Variants in STPG2 observed in about 807,000 individuals in gnomAD.
STPG2 encodes sperm-tail PG-rich repeat-containing protein 2.
STPG2 carries 56 observed loss-of-function variants against 54.2 expected under a neutral mutation model. The ratio of observed to expected loss-of-function variants is 1.03; its 90% confidence interval spans 0.83 to 1.29. The LOEUF (loss-of-function observed/expected upper bound fraction) is 1.29, where lower values mean the gene tolerates loss of function less well. Ranked by LOEUF, STPG2 falls within the 50% of genes most tolerant of loss-of-function variation. STPG2 has a pLI of 0.00. For synonymous variants in STPG2, 200 were observed against 181.8 expected, an observed-to-expected ratio of 1.10 and a Z score of -0.81; for missense variants, 596 against 544.9, an observed-to-expected ratio of 1.09 and a Z score of -0.93.
intron 3 of STPG2, among the ~76,000 whole-genome samples, chr4:98,117,162 A>T (rs977921163): frequency 6.6e-5 from 10 of 151,958 alleles, no homozygotes; most frequent in Non-Finnish European, 1.3e-4. Context: ...ATTTATCTGA[A>T]AATGTCTTAA....
At chr4:97,695,447 G>A (rs185271889) in intron 10 of STPG2, among the ~76,000 whole-genome samples, 13 of 152,214 alleles carry the variant, frequency 8.5e-5, no homozygotes, top group East Asian at 5.8e-4. Context: ...ACAAGGATGC[G>A]CACTTTCACC....
downstream of STPG2, among the ~76,000 whole-genome samples, chr4:97,557,271 A>C (rs1413836490): frequency 1.3e-5 from 2 of 152,216 alleles, no homozygotes; most frequent in Admixed American, 1.3e-4. Flanking sequence ...TCATTTAGAA[A>C]ATTAAAGTTA....
chr4:97,499,221 G>A (rs1730674982), intron 4 of STPG2, among the ~76,000 whole-genome samples: 1 of 151,934 alleles, frequency 6.6e-6, no homozygotes, highest in Non-Finnish European at 1.5e-5. Flanking sequence ...GGGATTGTCA[G>A]ACTTTTAGAT....
intron 4 of STPG2, among the ~76,000 whole-genome samples, chr4:97,474,574 T>TATACCATGGTATATATGTCCC (rs1410918287): frequency 3.3e-5 from 5 of 152,188 alleles, no homozygotes; most frequent in Non-Finnish European, 7.3e-5. Context: ...CCTTGGTATA[T>TATACCATGGTATATATGTCCC]ATCAGGGACA....
At chr4:97,848,456 GTGAAAAA>G (rs1729036726) in intron 8 of STPG2, among the ~76,000 whole-genome samples, 1 of 151,986 alleles carries the variant, frequency 6.6e-6, no homozygotes, top group African/African-American at 2.4e-5. Context: ...TCTCAAATTA[GTGAAAAA>G]TGACAGTAGG....
chr4:98,105,920 G>GA, intron 5 of STPG2, 33 bp downstream of exon 5: 2 of 1,510,530 alleles, frequency 1.3e-6, no homozygotes, highest in Non-Finnish European at 1.8e-6. Context: ...TTAAAATTGG[G>GA]AAAATATATG....
At chr4:97,838,951 T>G (rs922203515) in intron 9 of STPG2, among the ~76,000 whole-genome samples, 29 of 151,520 alleles carry the variant, frequency 1.9e-4, no homozygotes, top group African/African-American at 7.0e-4. Context: ...ATAGCAAACT[T>G]CATGAATTAC....
chr4:97,773,907 T>A (rs1726293160), intron 9 of STPG2, among the ~76,000 whole-genome samples: 2 of 152,020 alleles, frequency 1.3e-5, no homozygotes, highest in African/African-American at 4.8e-5. Flanking sequence ...CCCAGCTACT[T>A]GTGAGGCTGA....
intron 10 of STPG2, among the ~76,000 whole-genome samples, chr4:97,564,454 G>A (rs776866610): frequency 1.4e-4 from 22 of 152,226 alleles, no homozygotes; most frequent in Admixed American, 5.9e-4. Flanking sequence ...ATATTGTTAT[G>A]TGTGTATTTG....
intron 5 of STPG2, among the ~76,000 whole-genome samples, chr4:98,078,579 AAAAAG>A (rs945417337): frequency 2.6e-5 from 4 of 151,954 alleles, no homozygotes; most frequent in African/African-American, 4.8e-5. Flanking sequence ...TTTAAAAAAA[AAAAAG>A]AAAAGAAAAA....
At chr4:97,968,461 A>C (rs1358300806) in intron 7 of STPG2, among the ~76,000 whole-genome samples, 4 of 152,192 alleles carry the variant, frequency 2.6e-5, no homozygotes, top group African/African-American at 9.6e-5. Flanking sequence ...CCTGATACCA[A>C]AGCCTGGCAG....
chr4:97,455,019 G>A (rs1275913858), intron 4 of STPG2, among the ~76,000 whole-genome samples: 1 of 152,074 alleles, frequency 6.6e-6, no homozygotes, highest in Non-Finnish European at 1.5e-5. Context: ...TATCAAGACA[G>A]TATGTTATTG....
At chr4:98,073,737 A>G (rs990362438) in intron 5 of STPG2, among the ~76,000 whole-genome samples, 9 of 152,114 alleles carry the variant, frequency 5.9e-5, no homozygotes, top group Non-Finnish European at 1.2e-4. Context: ...CAAAAAATAT[A>G]TATAGTAATA....
intron 5 of STPG2, among the ~76,000 whole-genome samples, chr4:98,056,395 G>A (rs915446230): frequency 9.2e-5 from 14 of 152,234 alleles, no homozygotes; most frequent in Admixed American, 3.9e-4. Flanking sequence ...GAATGCCCAC[G>A]AGGAAGAAGG....
chr4:98,120,141 C>A (rs905824896), intron 3 of STPG2, among the ~76,000 whole-genome samples: 1 of 152,042 alleles, frequency 6.6e-6, no homozygotes, highest in African/African-American at 2.4e-5. Flanking sequence ...AGTACAGTGG[C>A]TCAATCTTAG....
chr4:97,844,867 G>T (rs1728901826), intron 8 of STPG2, among the ~76,000 whole-genome samples: 1 of 151,776 alleles, frequency 6.6e-6, no homozygotes, highest in Non-Finnish European at 1.5e-5. Context: ...GTTCAATCCT[G>T]TTCTGTGTTT....
intron 4 of STPG2, among the ~76,000 whole-genome samples, chr4:97,486,829 G>GTGTGTATATATA (rs1490371230): frequency 2.2e-5 from 2 of 90,204 alleles, no homozygotes; most frequent in African/African-American, 6.7e-5. Flanking sequence ...GTGTGTGTGT[G>GTGTGTATATATA]TATATATATA....
intron 5 of STPG2, among the ~76,000 whole-genome samples, chr4:98,077,895 T>C (rs1738223797): frequency 6.6e-6 from 1 of 152,164 alleles, no homozygotes. Flanking sequence ...AAATATATTG[T>C]GCAATTGCCC....
intron 4 of STPG2, among the ~76,000 whole-genome samples, chr4:97,540,459 G>C (rs1424416646): frequency 2.0e-5 from 3 of 152,072 alleles, no homozygotes; most frequent in Non-Finnish European, 4.4e-5. Flanking sequence ...CCAATAACAG[G>C]CTCTGAAATT....
Sources: gnomAD v4.1 joint callset for allele counts (sites outside exome capture counted in the v4.1 genomes callset) on GRCh38, gnomAD v4.1.1 for gene constraint, MANE v1.5 for transcripts, NCBI Gene and HGNC (gene_info 2026-07-23, HGNC 2026-07-21) for gene names.